FKBP5: variants seen among roughly 807,000 people sequenced by gnomAD.
The protein encoded by FKBP5 is FKBP prolyl isomerase 5.
FKBP5 carries 23 observed loss-of-function variants against 50.5 expected under a neutral mutation model. The observed-to-expected ratio is 0.46, with a 90% CI of 0.33 to 0.65. The LOEUF is 0.65. Ranked by LOEUF, FKBP5 falls within the 30% of genes least tolerant of loss-of-function variation. The pLI, the probability that FKBP5 is intolerant of heterozygous loss-of-function variation, is 0.02. For synonymous variants in FKBP5, 176 were observed against 190.6 expected (o/e 0.92, Z 0.63); for missense variants, 411 against 553.1 (o/e 0.74, Z 2.58).
chr6:35,639,514 C>G (rs757042858), intron 2 of FKBP5, among the ~76,000 whole-genome samples: 3 of 152,108 alleles, frequency 2.0e-5, no homozygotes, highest in Non-Finnish European at 2.9e-5. Context: ...CATGGGCACT[C>G]TGAAAAGATG....
At position 35,597,423 on chromosome 6, in the gene FKBP5, G is replaced by C. The variant is rs1189471117; in HGVS notation, c.509-19C>G. On this transcript the variant is annotated intron_variant, in intron 5 of 10. Transcript: ENST00000357266. ...AGGTGGACTGAGGGCAAGGAGACAG[G>C]AGAGTCAACAGAGCTGCTTCTTAGG... 6.2e-7 allele frequency: 1 copy of C among 1,609,148 alleles called. No homozygotes were observed. Among genetic ancestry groups the C allele is most frequent in the East Asian group, 2.2e-5 (1 of 44,802 alleles).
intron 2 of FKBP5, among the ~76,000 whole-genome samples, chr6:35,640,597 A>G (rs1764457630): frequency 1.3e-5 from 2 of 152,150 alleles, no homozygotes; most frequent in African/African-American, 2.4e-5. Flanking sequence ...TAATAAATCA[A>G]TCTTAGCTTA....
chr6:35,633,864 A>G (rs1373218412), intron 3 of FKBP5, among the ~76,000 whole-genome samples: 1 of 152,184 alleles, frequency 6.6e-6, no homozygotes, highest in Non-Finnish European at 1.5e-5. Flanking sequence ...CACAAGGAAC[A>G]GGGAAGACAG....
chr6:35,635,812 A>G (rs72921237), intron 3 of FKBP5, among the ~76,000 whole-genome samples: 2,078 of 152,362 alleles, frequency 0.014, 35 homozygotes, highest in Non-Finnish European at 0.024. Flanking sequence ...TTCTGCATTC[A>G]TCTGTTGCAA....
intron 1 of FKBP5, among the ~76,000 whole-genome samples, chr6:35,723,816 C>T (rs1489536329): frequency 6.6e-6 from 1 of 152,198 alleles, no homozygotes; most frequent in Admixed American, 6.5e-5. Context: ...GTGGTCCCTT[C>T]CTTGGGTGAT....
At position 35,583,514 on chromosome 6, in the gene FKBP5, C is replaced by T. The variant is rs113475611; in HGVS notation, c.841-3293G>A. On this transcript the variant is annotated intron_variant, in intron 8 of 10. Transcript: ENST00000357266. ...TATTTAGACTTCAACTTCCAATTAG[C>T]GAAAAGTCTGTCTTGTACTCCCTGC... The T allele has an allele frequency of 2.6e-4, 256 of 985,348 alleles. No homozygotes were observed. The African/African-American group carries it at 3.6e-3, about 14-fold the overall frequency. 61.0% of individuals were successfully genotyped at this position (985,348 alleles called of 1,614,324 possible).
At chr6:35,706,416 C>A (rs1234239136) in intron 2 of FKBP5, among the ~76,000 whole-genome samples, 2 of 103,272 alleles carry the variant, frequency 1.9e-5, no homozygotes, top group Non-Finnish European at 3.6e-5. Flanking sequence ...AAGAGTGAAA[C>A]TCTGTCTCAA....
chr6:35,652,164 A>C (rs1468095243), intron 1 of FKBP5, among the ~76,000 whole-genome samples: 1 of 152,250 alleles, frequency 6.6e-6, no homozygotes, highest in Non-Finnish European at 1.5e-5. Context: ...GCCTGTCTTT[A>C]CTTTAATCTC....
chr6:35,584,632 A>G, intron 8 of FKBP5: 1 of 985,446 alleles, frequency 1.0e-6, no homozygotes, highest in South Asian at 4.7e-5. Flanking sequence ...TACTGCTGGG[A>G]TCTTTTACCT....
At chr6:35,604,875 C>G (rs1167679413) in intron 5 of FKBP5, among the ~76,000 whole-genome samples, 1 of 151,538 alleles carries the variant, frequency 6.6e-6, no homozygotes, top group Non-Finnish European at 1.5e-5. Flanking sequence ...ACTACAACCT[C>G]CACCTCCCGG....
At chr6:35,598,987 AAAAT>A (rs957243849) in intron 5 of FKBP5, among the ~76,000 whole-genome samples, 1 of 152,076 alleles carries the variant, frequency 6.6e-6, no homozygotes, top group Non-Finnish European at 1.5e-5. Context: ...AATAAATAAA[AAAAT>A]AAATAAATAA....
chr6:35,624,848 A>G (rs1333074293), intron 3 of FKBP5, among the ~76,000 whole-genome samples: 1 of 152,164 alleles, frequency 6.6e-6, no homozygotes, highest in Non-Finnish European at 1.5e-5. Context: ...TAATGAACCA[A>G]CGTGTTCAAC....
chr6:35,581,379 G>C (rs1228105905), intron 8 of FKBP5: 1 of 221,856 alleles, frequency 4.5e-6, no homozygotes, highest in Non-Finnish European at 7.5e-6. Flanking sequence ...GCCGAGACAG[G>C]TGGATCACCT....
At chr6:35,649,303 T>C (rs1427038867) in intron 1 of FKBP5, among the ~76,000 whole-genome samples, 3 of 151,902 alleles carry the variant, frequency 2.0e-5, no homozygotes, top group Non-Finnish European at 4.4e-5. Context: ...TTTTACATAT[T>C]CTTATCGGAT....
Position 35,575,842 on chromosome 6 carries a change from T to C in FKBP5, c.1367A>G (p.His456Arg), listed in dbSNP as rs1317469411. The change falls in exon 11 of 11, where the codon CAC becomes CGC. Residue 456 changes from histidine (H) to arginine (R), a missense_variant. This residue lies in a region of FKBP5 where 88 missense variants were observed against 89.0 expected (regional missense o/e 0.99). Transcript: ENST00000357266. ...QAMEEEKPEG[H>R]V Reference sequence around the variant, plus strand: ...TCCCTCCTTGGCGTGGCGTCATACGTGGCCCTCAGGTTTCTCTTCTTCCAT... The same window carrying C: ...TCCCTCCTTGGCGTGGCGTCATACGCGGCCCTCAGGTTTCTCTTCTTCCAT... 3 of 1,611,210 alleles carry C rather than the reference T, an allele frequency of 1.9e-6. No individual in the cohort carries two copies. The highest frequency in any genetic ancestry group is 2.2e-5 in the East Asian group (1 of 44,872).
intron 2 of FKBP5, among the ~76,000 whole-genome samples, 199 bp downstream of exon 2, chr6:35,642,521 C>G (rs1764520990): frequency 6.6e-6 from 1 of 152,086 alleles, no homozygotes; most frequent in African/African-American, 2.4e-5. Context: ...GAGCTCAAGA[C>G]CAGCCTGGGC....
intron 1 of FKBP5, among the ~76,000 whole-genome samples, chr6:35,652,264 AG>A (rs1561878147): frequency 1.4e-3 from 209 of 152,346 alleles, no homozygotes; most frequent in African/African-American, 4.9e-3. Flanking sequence ...TGTGTGTTTG[AG>A]CAATATGAAA....
At chr6:35,692,902 T>C (rs1247101267), upstream of FKBP5, among the ~76,000 whole-genome samples, 1 of 151,804 alleles carries the variant, frequency 6.6e-6, no homozygotes, top group Admixed American at 6.6e-5. Flanking sequence ...TTCTCAGACA[T>C]TATATGTTCA....
chr6:35,698,660 T>G (rs1766126488), intron 2 of FKBP5, among the ~76,000 whole-genome samples: 2 of 151,902 alleles, frequency 1.3e-5, no homozygotes, highest in South Asian at 2.1e-4. Context: ...AATAAATAAA[T>G]AAATGAAAAA....
Sources: allele counts gnomAD v4.1 joint callset (sites outside exome capture counted in the v4.1 genomes callset), GRCh38; gene constraint gnomAD v4.1.1; regional missense constraint gnomAD v4.1.1; transcripts MANE v1.5; gene names NCBI Gene and HGNC (gene_info 2026-07-23, HGNC 2026-07-21).